The following FMN1 variants were observed in gnomAD, a reference collection of about 807,000 sequenced individuals.
FMN1 encodes the protein formin 1.
FMN1 carries 110 observed loss-of-function variants against 132.4 expected under a neutral mutation model. The observed-to-expected ratio is 0.83, with a 90% CI of 0.71 to 0.97. The LOEUF (loss-of-function observed/expected upper bound fraction) is 0.97. Among genes scored for constraint, FMN1 ranks in the 50% least tolerant of loss-of-function variants. The pLI is 0.00. For synonymous variants in FMN1, 722 were observed against 651.7 expected, an observed-to-expected ratio of 1.11 and a Z score of -1.64; for missense variants, 1,792 against 1,705.3, an observed-to-expected ratio of 1.05 and a Z score of -0.90.
intron 5 of FMN1, among the ~76,000 whole-genome samples, chr15:33,081,587 G>C (rs2038462019): frequency 6.6e-6 from 1 of 152,056 alleles, no homozygotes; most frequent in African/African-American, 2.4e-5. Flanking sequence ...ACTGATTATA[G>C]GAGCTAATCC....
intron 12 of FMN1, among the ~76,000 whole-genome samples, chr15:32,902,616 A>G (rs987002457): frequency 6.6e-6 from 1 of 152,250 alleles, no homozygotes; most frequent in Non-Finnish European, 1.5e-5. Flanking sequence ...ACATAGACAT[A>G]GTTTACAACT....
chr15:32,867,887 T>C (rs939579940), intron 16 of FMN1, among the ~76,000 whole-genome samples: 6 of 152,246 alleles, frequency 3.9e-5, no homozygotes, highest in African/African-American at 1.4e-4. Flanking sequence ...GATTATTGGA[T>C]TGTCTCCCTC....
At chr15:33,155,248 G>A (rs1964626006) in intron 3 of FMN1, among the ~76,000 whole-genome samples, 1 of 152,064 alleles carries the variant, frequency 6.6e-6, no homozygotes, top group African/African-American at 2.4e-5. Context: ...ATAACTGAGA[G>A]ATGGGAAAGT....
intron 2 of FMN1, among the ~76,000 whole-genome samples, chr15:33,180,852 C>G (rs1965675202): frequency 6.6e-6 from 1 of 150,844 alleles, no homozygotes; most frequent in South Asian, 2.1e-4. Context: ...AGGGTTTCAG[C>G]CATTCATCGG....
At position 33,037,942 on chromosome 15, in the gene FMN1, A is replaced by C. The variant is rs377079797; in HGVS notation, c.2161+27015T>G. ...ACTGATACCTTAAAATAAAACTATT[A>C]TGGTTGGGTGTGGTGGCTCACGCCT... On this transcript the variant is annotated intron_variant, in intron 6 of 20. Transcript: ENST00000616417. Among the ~76,000 whole-genome samples, 25 of 152,358 alleles carry C rather than the reference A, an allele frequency of 1.6e-4. 3 individuals are homozygous for C. The highest frequency in any genetic ancestry group is 1.2e-3 in the Admixed American group (19 of 15,302).
rs200237114 is a variant in FMN1, at chr15:32,768,909, G to A, written c.*5401C>T. On this transcript the variant is annotated 3_prime_UTR_variant, in exon 21 of 21. Transcript: ENST00000616417. ...TCCCCACATCAAGAACTTCAGAGAT[G>A]TAATATAAAGTCTGGAGTTCACATG... 1 of 152,198 alleles carries A rather than the reference G, an allele frequency of 6.6e-6. No individual in the cohort carries two copies. Among genetic ancestry groups the A allele is most frequent in the Non-Finnish European group, 1.5e-5 (1 of 68,038 alleles). 9.4% of individuals were successfully genotyped at this position (152,198 alleles called of 1,614,324 possible).
At chr15:33,146,086 G>A (rs1221589796) in intron 4 of FMN1, among the ~76,000 whole-genome samples, 4 of 150,664 alleles carry the variant, frequency 2.7e-5, no homozygotes, top group African/African-American at 7.3e-5. Context: ...AGAGATTCTC[G>A]GGCTTCAGCC....
At chr15:33,125,934 C>CT (rs759562632) in intron 4 of FMN1, among the ~76,000 whole-genome samples, 45 of 152,294 alleles carry the variant, frequency 3.0e-4, no homozygotes, top group Admixed American at 9.2e-4. Context: ...AAAACCATCT[C>CT]TAACAATTCA....
intron 6 of FMN1, among the ~76,000 whole-genome samples, chr15:33,028,747 G>T (rs189024239): frequency 6.6e-6 from 1 of 152,142 alleles, no homozygotes; most frequent in Admixed American, 6.5e-5. Flanking sequence ...CCAATCTCTG[G>T]GGTAGAACCT....
Position 32,817,640 on chromosome 15 carries a change from G to A in FMN1, c.3929-13308C>T, listed in dbSNP as rs551428118. Among the ~76,000 whole-genome samples, 4 of 152,316 alleles carry A rather than the reference G, an allele frequency of 2.6e-5. No individual in the cohort carries two copies. In the South Asian group the frequency reaches 8.3e-4, roughly 32 times the overall value. On this transcript the variant is annotated intron_variant, in intron 17 of 20. Coordinates refer to ENST00000616417, the MANE Select transcript of FMN1 (RefSeq NM_001277313.2). ...ATATTTTCCACATTAAAGAACATTT[G>A]ATCTGTTCCACCAGTAGATGAACCA...
rs151075650 is a variant in FMN1, at chr15:33,038,314, G to A, written c.2161+26643C>T. On this transcript the variant is annotated intron_variant, in intron 6 of 20. Transcript: ENST00000616417. ...TTGAATCTAAGAACACTGATTTGCC[G>A]CCCTGCATCTTCTGTGTTTAAAAAT... is the stretch of plus-strand genomic sequence containing the variant. Among the ~76,000 whole-genome samples the A allele has an allele frequency of 4.8e-3, 726 of 152,286 alleles. 5 individuals carry two copies. Among genetic ancestry groups the A allele is most frequent in the African/African-American group, 0.017 (690 of 41,566 alleles).
At chr15:33,083,555 A>C (rs1595435109) in intron 5 of FMN1, among the ~76,000 whole-genome samples, 2 of 152,330 alleles carry the variant, frequency 1.3e-5, no homozygotes, top group African/African-American at 4.8e-5. Context: ...CTGTCTCCAC[A>C]GGGACAGACG....
At chr15:33,062,486 G>T (rs1325578718) in intron 6 of FMN1, among the ~76,000 whole-genome samples, 1 of 152,112 alleles carries the variant, frequency 6.6e-6, no homozygotes, top group Non-Finnish European at 1.5e-5. Context: ...GTCGGGCATG[G>T]TGGCGGGCGC....
chr15:32,822,667 A>G (rs1285280964), intron 17 of FMN1, among the ~76,000 whole-genome samples: 1 of 152,152 alleles, frequency 6.6e-6, no homozygotes, highest in African/African-American at 2.4e-5. Flanking sequence ...CTCTTTCAAT[A>G]AGAGATGCAA....
At chr15:33,054,936 T>C (rs1028773207) in intron 6 of FMN1, among the ~76,000 whole-genome samples, 2 of 152,198 alleles carry the variant, frequency 1.3e-5, no homozygotes, top group Admixed American at 6.5e-5. Flanking sequence ...TACAGAGTTA[T>C]AGTTGTAAAC....
chr15:32,959,112 T>C (rs35147427), intron 9 of FMN1, among the ~76,000 whole-genome samples: 3,341 of 151,302 alleles, frequency 0.022, 56 homozygotes, highest in Non-Finnish European at 0.031. Flanking sequence ...ATAGCCAAGA[T>C]TCAGAATTCT....
At chr15:33,173,545 T>C (rs1185607174) in intron 3 of FMN1, among the ~76,000 whole-genome samples, 2 of 152,206 alleles carry the variant, frequency 1.3e-5, no homozygotes, top group Non-Finnish European at 2.9e-5. Flanking sequence ...AGCACCATTT[T>C]AATGCAGGGC....
intron 9 of FMN1, among the ~76,000 whole-genome samples, chr15:32,942,134 A>G (rs1299898300): frequency 6.6e-6 from 1 of 152,182 alleles, no homozygotes; most frequent in Non-Finnish European, 1.5e-5. Flanking sequence ...CGTGCGTACT[A>G]TTACATCGCC....
At chr15:33,066,487 A>C in intron 5 of FMN1, 1 of 1,471,110 alleles carries the variant, frequency 6.8e-7, no homozygotes, top group Non-Finnish European at 9.0e-7. Flanking sequence ...TTTATGTTAA[A>C]ATGCAAAACC....
Sources: gnomAD v4.1 joint callset for allele counts (sites outside exome capture counted in the v4.1 genomes callset) on GRCh38, gnomAD v4.1.1 for gene constraint, MANE v1.5 for transcripts, NCBI Gene and HGNC (gene_info 2026-07-23, HGNC 2026-07-21) for gene names.